Variants in CFDP1 observed in about 807,000 individuals in gnomAD.
CFDP1 encodes the protein heterochromatin-stabilizing protein CFDP1.
A neutral mutation model predicts 40.1 loss-of-function variants in CFDP1; 31 were observed. The observed-to-expected ratio is 0.77, with a 90% CI of 0.58 to 1.04. CFDP1 has a LOEUF of 1.04. Among genes scored for constraint, CFDP1 ranks in the 50% least tolerant of loss-of-function variants. The pLI, the probability that CFDP1 is intolerant of heterozygous loss-of-function variation, is 0.00. For synonymous variants in CFDP1, 167 were observed against 120.0 expected, an observed-to-expected ratio of 1.39 and a Z score of -2.56; for missense variants, 423 against 343.4, an observed-to-expected ratio of 1.23 and a Z score of -1.83.
intron 5 of CFDP1, among the ~76,000 whole-genome samples, chr16:75,317,562 T>G (rs931511560): frequency 6.6e-6 from 1 of 152,244 alleles, no homozygotes; most frequent in Non-Finnish European, 1.5e-5. Context: ...TTAATTTGTA[T>G]GATTAGACAC....
intron 5 of CFDP1, among the ~76,000 whole-genome samples, chr16:75,384,960 A>C (rs190792422): frequency 6.9e-6 from 1 of 144,652 alleles, no homozygotes. Flanking sequence ...AATGCAATAC[A>C]TATATATGTA....
At position 75,415,575 on chromosome 16, in the gene CFDP1, G is replaced by A. The variant is rs140917081; in HGVS notation, c.65-880C>T. On this transcript the variant is annotated intron_variant, in intron 1 of 6. Coordinates refer to ENST00000283882, the MANE Select transcript of CFDP1 (RefSeq NM_006324.3). ...CCAATATCCTGACTTCTAAAGTCAC[G>A]GGTTAGTTTTGCCTGCTTTTCAACT... Among the ~76,000 whole-genome samples the A allele has an allele frequency of 1.5e-3, 234 of 152,240 alleles. 1 individual carries two copies. The highest frequency in any genetic ancestry group is 5.5e-3 in the African/African-American group (228 of 41,552).
chr16:75,395,091 C>A lies in CFDP1; in HGVS notation c.649G>T (p.Gly217Trp), dbSNP rs367774683. ...SALPSLPAGS[G>W]LKRSSGMSSL... The stretch of plus-strand genomic sequence containing the variant: ...AGGGAGTGAGACTCAAATACTCACC[C>A]TGACCCGGCAGGGAGTGATGGCAGA... The change falls in exon 5 of 7, where the codon GGG becomes TGG. Residue 217 changes from glycine to tryptophan, a missense_variant and splice_region_variant. Coordinates refer to ENST00000283882, the MANE Select transcript of CFDP1 (RefSeq NM_006324.3). 18 of 1,613,546 alleles carry A rather than the reference C, an allele frequency of 1.1e-5. No individual in the cohort carries two copies. The highest frequency in any genetic ancestry group is 1.4e-5 in the Non-Finnish European group (17 of 1,179,738).
intron 4 of CFDP1, among the ~76,000 whole-genome samples, chr16:75,411,069 A>G (rs1220303096): frequency 1.3e-5 from 2 of 151,930 alleles, no homozygotes; most frequent in Non-Finnish European, 2.9e-5. Flanking sequence ...AAACACAAAA[A>G]TAACAGGGCA....
At chr16:75,404,666 T>C (rs1169256677) in intron 4 of CFDP1, among the ~76,000 whole-genome samples, 3 of 151,672 alleles carry the variant, frequency 2.0e-5, no homozygotes, top group African/African-American at 7.3e-5. Context: ...GCAATCCAAA[T>C]TGAGGGACAT....
At chr16:75,388,111 C>T (rs116594031) in intron 5 of CFDP1, among the ~76,000 whole-genome samples, 2,360 of 152,264 alleles carry the variant, frequency 0.015, 59 homozygotes, top group African/African-American at 0.053. Context: ...GGCTGGAATC[C>T]GAGTTCGACC....
intron 4 of CFDP1, among the ~76,000 whole-genome samples, chr16:75,401,636 A>G (rs1420197604): frequency 6.6e-6 from 1 of 152,120 alleles, no homozygotes; most frequent in African/African-American, 2.4e-5. Context: ...AAGGCAAATC[A>G]CTGTGAAGTT....
At chr16:75,430,993 T>G (rs2079406933) in intron 1 of CFDP1, among the ~76,000 whole-genome samples, 1 of 152,168 alleles carries the variant, frequency 6.6e-6, no homozygotes, top group Admixed American at 6.6e-5. Flanking sequence ...GGGGGCGCCT[T>G]AGAATTTTAT....
At chr16:75,306,947 G>C (rs543260337) in intron 5 of CFDP1, among the ~76,000 whole-genome samples, 16 of 152,086 alleles carry the variant, frequency 1.1e-4, no homozygotes, top group Admixed American at 3.9e-4. Context: ...CAGGAACGGA[G>C]CATGAGTGGG....
At chr16:75,341,355 A>C (rs2078525422) in intron 5 of CFDP1, among the ~76,000 whole-genome samples, 1 of 152,190 alleles carries the variant, frequency 6.6e-6, no homozygotes, top group Non-Finnish European at 1.5e-5. Context: ...ATTCAAAGTT[A>C]TTAATAACCC....
Position 75,433,484 on chromosome 16 carries a change from A to G in CFDP1, c.-132T>C. On this transcript the variant is annotated 5_prime_UTR_variant, in exon 1 of 7. Coordinates refer to ENST00000283882, the MANE Select transcript of CFDP1 (RefSeq NM_006324.3). ...AGGGCGGCCCCCGACAGCGCTTTGC[A>G]CATGCGCAGAGAGTACTACGTGGTT... is the stretch of plus-strand genomic sequence containing the variant. 1 of 778,956 alleles carries G rather than the reference A, an allele frequency of 1.3e-6. No individual in the cohort carries two copies. The highest frequency in any genetic ancestry group is 2.1e-6 in the Non-Finnish European group (1 of 470,134). 48.3% of individuals were successfully genotyped at this position (778,956 alleles called of 1,614,324 possible).
intron 5 of CFDP1, among the ~76,000 whole-genome samples, chr16:75,330,542 T>C (rs1388013877): frequency 6.6e-6 from 1 of 152,144 alleles, no homozygotes; most frequent in South Asian, 2.1e-4. Flanking sequence ...TGAGCCAAGA[T>C]AGCACCAGTG....
intron 5 of CFDP1, among the ~76,000 whole-genome samples, chr16:75,387,786 T>C (rs747255842): frequency 2.0e-5 from 3 of 152,234 alleles, no homozygotes; most frequent in Non-Finnish European, 4.4e-5. Context: ...CTGTTGCTGC[T>C]GACAGGTATC....
chr16:75,343,534 T>C (rs1232868490), intron 5 of CFDP1, among the ~76,000 whole-genome samples: 1 of 152,184 alleles, frequency 6.6e-6, no homozygotes, highest in Non-Finnish European at 1.5e-5. Flanking sequence ...AATGTATGTG[T>C]ATGACAAAAC....
At chr16:75,388,080 C>T (rs1399175146) in intron 5 of CFDP1, among the ~76,000 whole-genome samples, 1 of 152,198 alleles carries the variant, frequency 6.6e-6, no homozygotes, top group Non-Finnish European at 1.5e-5. Context: ...AGAGCCCAGG[C>T]TTTGGTCTCA....
At chr16:75,430,241 G>A (rs1183779016) in intron 1 of CFDP1, among the ~76,000 whole-genome samples, 15 of 150,936 alleles carry the variant, frequency 9.9e-5, no homozygotes, top group Admixed American at 9.9e-4. Context: ...CGCAACCTCA[G>A]CTCACTGCAA....
chr16:75,373,258 T>C (rs370374962), intron 5 of CFDP1, among the ~76,000 whole-genome samples: 1 of 152,252 alleles, frequency 6.6e-6, no homozygotes, highest in Admixed American at 6.5e-5. Flanking sequence ...CACACACAGA[T>C]GTTAAATTAG....
chr16:75,410,849 C>A (rs2079154644), intron 4 of CFDP1, among the ~76,000 whole-genome samples: 1 of 143,472 alleles, frequency 7.0e-6, no homozygotes, highest in Admixed American at 7.4e-5. Context: ...GTGGAGCTTG[C>A]AGTGAGCCGA....
chr16:75,370,164 C>A (rs920504792), intron 5 of CFDP1, among the ~76,000 whole-genome samples: 2 of 151,672 alleles, frequency 1.3e-5, no homozygotes, highest in African/African-American at 4.9e-5. Flanking sequence ...GTAATCTTGG[C>A]TCACTGCAAC....
Sources: allele counts gnomAD v4.1 joint callset (sites outside exome capture counted in the v4.1 genomes callset), GRCh38; gene constraint gnomAD v4.1.1; transcripts MANE v1.5; gene names NCBI Gene and HGNC (gene_info 2026-07-23, HGNC 2026-07-21).